The following LITAF variants were observed in gnomAD, a reference collection of about 807,000 sequenced individuals.
The protein encoded by LITAF is lipopolysaccharide induced TNF factor, also known as lipopolysaccharide-induced tumor necrosis factor-alpha factor.
In LITAF, 9 loss-of-function variants were observed where a neutral mutation model predicts 14.5. The observed-to-expected ratio is 0.62, with a 90% CI of 0.37 to 1.08. LITAF has a LOEUF of 1.08. LITAF is among the 50% of genes least tolerant of loss of function. LITAF has a pLI of 0.01. For synonymous variants in LITAF, 98 were observed against 88.2 expected (o/e 1.11, Z -0.62); for missense variants, 206 against 213.4 (o/e 0.97, Z 0.22).
upstream of LITAF, among the ~76,000 whole-genome samples, chr16:11,600,207 T>C (rs548785048): frequency 6.6e-6 from 1 of 152,196 alleles, no homozygotes; most frequent in East Asian, 1.9e-4. This position sits in a 1 kb window ranked among gnomAD's most constrained non-coding sequence, Gnocchi z 4.1. Flanking sequence ...TCTCTCTGTG[T>C]TGCCCAGGCT....
intron 3 of LITAF, among the ~76,000 whole-genome samples, chr16:11,618,375 G>T (rs2065030178): frequency 6.6e-6 from 1 of 152,188 alleles, no homozygotes; most frequent in African/African-American, 2.4e-5. Flanking sequence ...CAGAAGTAGG[G>T]GTAGCCTGGG....
intron 3 of LITAF, chr16:11,551,833 A>G: frequency 1.8e-6 from 1 of 547,120 alleles, no homozygotes; most frequent in Non-Finnish European, 3.3e-6. Context: ...CTCAGCCTCA[A>G]ACAAAACAAA....
chr16:11,625,221 G>A (rs1020473796), intron 3 of LITAF, among the ~76,000 whole-genome samples: 4 of 151,902 alleles, frequency 2.6e-5, no homozygotes, highest in East Asian at 3.9e-4. Context: ...ACTGTGGTCC[G>A]GTGTGATGGT....
intron 2 of LITAF, among the ~76,000 whole-genome samples, chr16:11,635,007 C>A (rs1349968930): frequency 6.6e-6 from 1 of 151,786 alleles, no homozygotes; most frequent in African/African-American, 2.4e-5. Context: ...GCACTCCAGC[C>A]TGGGCATCAC....
chr16:11,597,215 A>G (rs1179841329), intron 1 of LITAF, among the ~76,000 whole-genome samples: 2 of 152,078 alleles, frequency 1.3e-5, no homozygotes, highest in Non-Finnish European at 1.5e-5. Context: ...AAAATCCACA[A>G]TAAACAAGTA....
chr16:11,613,550 G>A (rs565460739), intron 3 of LITAF, among the ~76,000 whole-genome samples: 72 of 152,352 alleles, frequency 4.7e-4, no homozygotes, highest in African/African-American at 1.7e-3. Flanking sequence ...ACAACTCCTG[G>A]AGGGTGGGGC....
At chr16:11,574,326 G>A (rs1313113928) in intron 1 of LITAF, among the ~76,000 whole-genome samples, 1 of 152,130 alleles carries the variant, frequency 6.6e-6, no homozygotes, top group African/African-American at 2.4e-5. Flanking sequence ...ACAGGCATGA[G>A]CCATCATGCC....
At chr16:11,639,614 A>ATT (rs371188442), upstream of LITAF, among the ~76,000 whole-genome samples, 4 of 80,316 alleles carry the variant, frequency 5.0e-5, no homozygotes, top group Non-Finnish European at 1.4e-4. Flanking sequence ...TGGAAGAAAG[A>ATT]TTTTTAAAAA....
At chr16:11,570,279 G>A (rs998737472) in intron 1 of LITAF, among the ~76,000 whole-genome samples, 10 of 152,158 alleles carry the variant, frequency 6.6e-5, no homozygotes, top group African/African-American at 1.9e-4. Context: ...TGGGTAAGCA[G>A]GTTACTATTA....
chr16:11,560,526 C>T (rs529494875), intron 1 of LITAF, among the ~76,000 whole-genome samples: 9 of 147,904 alleles, frequency 6.1e-5, no homozygotes, highest in Non-Finnish European at 1.2e-4. Context: ...GAGGTTGCAG[C>T]GAGCTGAGAT....
At chr16:11,592,908 C>T (rs8055901) in intron 1 of LITAF, among the ~76,000 whole-genome samples, 22,050 of 151,674 alleles carry the variant, frequency 0.15, 1,930 homozygotes, top group Non-Finnish European at 0.18. Flanking sequence ...TGGTGGCTCA[C>T]GCCTGTAATC....
chr16:11,556,428 G>C, intron 2 of LITAF, 83 bp downstream of exon 2: 2 of 1,218,972 alleles, frequency 1.6e-6, no homozygotes, highest in Non-Finnish European at 1.2e-6. Context: ...TAGACTCTTT[G>C]GCAGAGTCAC....
chr16:11,607,024 C>T (rs2064958518), intron 3 of LITAF, among the ~76,000 whole-genome samples: 1 of 152,182 alleles, frequency 6.6e-6, no homozygotes, highest in South Asian at 2.1e-4. Flanking sequence ...GTTCAGAGAG[C>T]TTTCAGGAAT....
At chr16:11,583,025 G>C (rs1338245968) in intron 1 of LITAF, among the ~76,000 whole-genome samples, 1 of 152,186 alleles carries the variant, frequency 6.6e-6, no homozygotes, top group Non-Finnish European at 1.5e-5. Context: ...GGTTAAGCAG[G>C]AAGGTAGACA....
chr16:11,616,280 C>A (rs1455294347), intron 3 of LITAF, among the ~76,000 whole-genome samples: 1 of 152,072 alleles, frequency 6.6e-6, no homozygotes, highest in Non-Finnish European at 1.5e-5. Context: ...TTGAGACCAG[C>A]CTGGGCAACA....
chr16:11,591,748 C>G (rs898196685), upstream of LITAF, among the ~76,000 whole-genome samples: 2 of 152,126 alleles, frequency 1.3e-5, no homozygotes, highest in Non-Finnish European at 2.9e-5. Flanking sequence ...TCAAGCAATT[C>G]TCTTGCCTCA....
upstream of LITAF, among the ~76,000 whole-genome samples, chr16:11,637,950 ATATATCTATATATATC>A (rs2065146019): frequency 1.6e-5 from 1 of 62,566 alleles, no homozygotes; most frequent in African/African-American, 1.4e-4. Context: ...ATATATCTAT[ATATATCTATATATATC>A]TATATATCTA....
At chr16:11,587,636 G>A (rs2064822247), upstream of LITAF, 1 of 229,160 alleles carries the variant, frequency 4.4e-6, no homozygotes, top group African/African-American at 2.3e-5. Context: ...CGTGCCGCCA[G>A]GTAGGCCTTT....
chr16:11,581,259 T>G (rs1417557473), intron 1 of LITAF, among the ~76,000 whole-genome samples: 1 of 152,212 alleles, frequency 6.6e-6, no homozygotes, highest in Non-Finnish European at 1.5e-5. Flanking sequence ...GAAAGTCTTC[T>G]CTCTCCCCTA....
Sources: allele counts gnomAD v4.1 joint callset (sites outside exome capture counted in the v4.1 genomes callset), GRCh38; gene constraint gnomAD v4.1.1; non-coding constraint Gnocchi (gnomAD v3.1); transcripts MANE v1.5; gene names NCBI Gene and HGNC (gene_info 2026-07-23, HGNC 2026-07-21).